PKN2: variants seen among roughly 807,000 people sequenced by gnomAD.
PKN2 encodes the protein protein kinase N2, also known as serine/threonine-protein kinase N2.
Under a neutral mutation model 119.1 loss-of-function variants are expected in PKN2, and 38 were observed. The ratio of observed to expected loss-of-function variants is 0.32; its 90% CI spans 0.25 to 0.42. The LOEUF (loss-of-function observed/expected upper bound fraction) is 0.42. Among genes scored for constraint, PKN2 ranks in the 10% least tolerant of loss-of-function variants. The pLI is 1.00. For missense variants in PKN2, 850 were observed against 1,165.1 expected (o/e 0.73, Z 3.94); for synonymous variants, 390 against 384.9 (o/e 1.01, Z -0.15).
intron 4 of PKN2, 78 bp downstream of exon 4, chr1:88,770,547 A>T (rs1669845217): frequency 2.6e-6 from 2 of 780,350 alleles, no homozygotes; most frequent in African/African-American, 3.5e-5. Flanking sequence ...GCAGTGGTTC[A>T]AAGTTAAGAG....
rs145705759 is a variant in PKN2 at position 88,790,067 on chromosome 1, T to C, written c.1281+3854T>C. On this transcript the variant is annotated intron_variant, in intron 8 of 21. Coordinates refer to ENST00000370521, the MANE Select transcript of PKN2 (RefSeq NM_006256.4). ...CTATGTAAGCAGGTATGCTTGGTTA[T>C]GTATTAGTCCGCATTTCTTCCCCAT... Among the ~76,000 whole-genome samples, 1,021 of 152,356 alleles carry C rather than the reference T, an allele frequency of 6.7e-3. 10 individuals are homozygous for C. Among genetic ancestry groups the C allele is most frequent in the African/African-American group, 0.021 (864 of 41,590 alleles).
chr1:88,768,862 T>C (rs1338226309), intron 3 of PKN2, among the ~76,000 whole-genome samples: 1 of 152,228 alleles, frequency 6.6e-6, no homozygotes, highest in Non-Finnish European at 1.5e-5. Flanking sequence ...AGGATGGTGC[T>C]GGCATGTGCT....
At chr1:88,704,690 A>T (rs749912290) in intron 1 of PKN2, among the ~76,000 whole-genome samples, 15 of 148,012 alleles carry the variant, frequency 1.0e-4, no homozygotes, top group Non-Finnish European at 1.6e-4. Context: ...CTGAGGCAGG[A>T]TGATGAATTG....
intron 1 of PKN2, among the ~76,000 whole-genome samples, chr1:88,721,266 C>T (rs1279238296): frequency 6.6e-6 from 1 of 152,116 alleles, no homozygotes; most frequent in African/African-American, 2.4e-5. Context: ...TCCCTTTTCA[C>T]CATATCCATA....
chr1:88,827,865 G>A (rs1156983572), intron 18 of PKN2, among the ~76,000 whole-genome samples: 2 of 151,656 alleles, frequency 1.3e-5, no homozygotes, highest in Admixed American at 1.3e-4. Context: ...GATTACAGGC[G>A]GGAGCCACCA....
At chr1:88,712,766 C>T (rs542293522) in intron 1 of PKN2, among the ~76,000 whole-genome samples, 33 of 152,094 alleles carry the variant, frequency 2.2e-4, no homozygotes, top group Middle Eastern at 3.4e-3. Flanking sequence ...TTAGTAGTTT[C>T]GTTTATTTTA....
chr1:88,714,415 C>T (rs1038995706), intron 1 of PKN2, among the ~76,000 whole-genome samples: 1 of 152,182 alleles, frequency 6.6e-6, no homozygotes, highest in Non-Finnish European at 1.5e-5. Flanking sequence ...TATCCATGAG[C>T]ATGGAACGTT....
At chr1:88,815,441 A>G (rs1293482872) in intron 16 of PKN2, 1 of 353,836 alleles carries the variant, frequency 2.8e-6, no homozygotes, top group Non-Finnish European at 5.4e-6. Flanking sequence ...TATCTTTTTC[A>G]TATCATTTTA....
chr1:88,743,453 G>T (rs893088011), intron 2 of PKN2, among the ~76,000 whole-genome samples: 6 of 152,080 alleles, frequency 3.9e-5, no homozygotes, highest in African/African-American at 1.2e-4. Context: ...TTTATATAAA[G>T]AAATTACCTC....
chr1:88,827,636 T>A (rs12022884), intron 18 of PKN2, among the ~76,000 whole-genome samples: 4 of 75,076 alleles, frequency 5.3e-5, no homozygotes, highest in Non-Finnish European at 1.1e-4. Context: ...TCCCTTCCCT[T>A]CCCTCCCCTC....
chr1:88,807,178 AATGAGT>A lies in PKN2; in HGVS notation c.1804-132_1804-127del, dbSNP rs1223621516. On this transcript the variant is annotated intron_variant, in intron 12 of 21. Transcript: ENST00000370521. ...AAAAGAAAAAAAAATTTTTTTAAAG[AATGAGT>A]ATCTGAATTTTACTTTTCACTCCAA... The A allele has an allele frequency of 7.2e-6, 5 of 695,522 alleles. No individual in the cohort carries two copies. In the East Asian group the frequency reaches 1.5e-4, roughly 21 times the overall value. 43.1% of individuals were successfully genotyped at this position (695,522 alleles called of 1,614,324 possible). A position where few individuals can be genotyped will look rare whatever the true frequency, so the allele number is the denominator to read the frequency against.
At chr1:88,778,931 G>C (rs906289057) in intron 6 of PKN2, among the ~76,000 whole-genome samples, 2 of 152,142 alleles carry the variant, frequency 1.3e-5, no homozygotes, top group Non-Finnish European at 2.9e-5. Flanking sequence ...CACCATGTTA[G>C]CCAGGATGGT....
At chr1:88,820,234 A>G (rs1403812436) in intron 16 of PKN2, among the ~76,000 whole-genome samples, 5 of 104,222 alleles carry the variant, frequency 4.8e-5, no homozygotes, top group East Asian at 2.5e-4. Context: ...ATATATATAT[A>G]AATAGAAAAA....
intron 2 of PKN2, among the ~76,000 whole-genome samples, chr1:88,749,403 C>A (rs1306190794): frequency 6.0e-3 from 697 of 116,182 alleles, no homozygotes; most frequent in East Asian, 7.0e-3. Flanking sequence ...GACTCCGTCT[C>A]AAAAAAAAAA....
At chr1:88,706,345 T>G (rs550495737) in intron 1 of PKN2, among the ~76,000 whole-genome samples, 16 of 152,238 alleles carry the variant, frequency 1.1e-4, no homozygotes, top group Non-Finnish European at 2.2e-4. Flanking sequence ...TCCTGCAACT[T>G]TGCTGAATTC....
chr1:88,753,160 A>C (rs1159717535), intron 2 of PKN2, among the ~76,000 whole-genome samples: 1 of 152,188 alleles, frequency 6.6e-6, no homozygotes, highest in Non-Finnish European at 1.5e-5. Flanking sequence ...TTACTGTCTT[A>C]CTAGGCTGGT....
rs1672130540 is a variant in PKN2 at position 88,818,964 on chromosome 1, A to C, written c.2280-2977A>C. Among the ~76,000 whole-genome samples, 3 of 144,608 alleles carry C rather than the reference A, an allele frequency of 2.1e-5. No individual in the cohort carries two copies. The South Asian group carries it at 6.3e-4, about 30-fold the overall frequency. 94.9% of individuals were successfully genotyped at this position (144,608 alleles called of 152,430 possible). ...CTATTTAATAAATGGTGTTGGGAAAACTGGCTAGCCATATGCGGGGAACTG... is the reference window on the plus strand; with the variant it reads ...CTATTTAATAAATGGTGTTGGGAAACCTGGCTAGCCATATGCGGGGAACTG... On this transcript the variant is annotated intron_variant, in intron 16 of 21. Coordinates refer to ENST00000370521, the MANE Select transcript of PKN2 (RefSeq NM_006256.4).
chr1:88,731,987 T>A (rs1668158713), intron 1 of PKN2, among the ~76,000 whole-genome samples: 5 of 152,234 alleles, frequency 3.3e-5, no homozygotes. Context: ...TAAAAGTCAT[T>A]GTATTTACCA....
intron 1 of PKN2, among the ~76,000 whole-genome samples, chr1:88,694,425 T>C (rs1486767093): frequency 6.6e-6 from 1 of 152,208 alleles, no homozygotes; most frequent in Non-Finnish European, 1.5e-5. Context: ...CATTTAATTT[T>C]CCTCCATGTC....
Sources: allele counts gnomAD v4.1 joint callset (sites outside exome capture counted in the v4.1 genomes callset), GRCh38; gene constraint gnomAD v4.1.1; transcripts MANE v1.5; gene names NCBI Gene and HGNC (gene_info 2026-07-23, HGNC 2026-07-21).